ZSWIM3: variants seen among roughly 807,000 people sequenced by gnomAD.
ZSWIM3 encodes zinc finger SWIM-type containing 3.
A neutral mutation model predicts 47.5 loss-of-function variants in ZSWIM3; 27 were observed. The ratio of observed to expected loss-of-function variants is 0.57; its 90% CI spans 0.42 to 0.78. ZSWIM3 has a LOEUF of 0.78. ZSWIM3 is among the 30% of genes least tolerant of loss of function. The pLI is 0.00. For synonymous variants in ZSWIM3, 333 were observed against 333.9 expected, an observed-to-expected ratio of 1.00 and a Z score of 0.03; for missense variants, 689 against 861.3, an observed-to-expected ratio of 0.80 and a Z score of 2.50.
chr20:45,866,014 AG>A (rs869091536), intron 1 of ZSWIM3, among the ~76,000 whole-genome samples: 6 of 147,060 alleles, frequency 4.1e-5, no homozygotes, highest in South Asian at 2.2e-4. Flanking sequence ...AAAAAGAAAA[AG>A]AAAAAAAAAA....
intron 1 of ZSWIM3, among the ~76,000 whole-genome samples, chr20:45,875,482 ATTTTT>A (rs11476581): frequency 2.7e-4 from 40 of 150,816 alleles, no homozygotes; most frequent in South Asian, 4.2e-4. Context: ...CCTTAATTCT[ATTTTT>A]TTTTTTGTTT....
intron 1 of ZSWIM3, among the ~76,000 whole-genome samples, chr20:45,874,037 G>A (rs1986034508): frequency 6.6e-6 from 1 of 152,164 alleles, no homozygotes; most frequent in African/African-American, 2.4e-5. Flanking sequence ...ATATCATCTA[G>A]CCCAGTGGTT....
At chr20:45,859,792 C>CAAAAAAA (rs765560893) in intron 1 of ZSWIM3, among the ~76,000 whole-genome samples, 3 of 52,090 alleles carry the variant, frequency 5.8e-5, no homozygotes, top group Non-Finnish European at 8.3e-5. Flanking sequence ...GAGAGGAATA[C>CAAAAAAA]AAAAAAAAAA....
chr20:45,865,238 G>C (rs1985808994), intron 1 of ZSWIM3, among the ~76,000 whole-genome samples: 1 of 151,428 alleles, frequency 6.6e-6, no homozygotes, highest in African/African-American at 2.4e-5. Context: ...AGAATCGCTT[G>C]AACCTGGGAG....
chr20:45,872,821 A>T (rs2145791383), intron 1 of ZSWIM3: 1 of 1,285,540 alleles, frequency 7.8e-7, no homozygotes, highest in East Asian at 5.6e-5. Context: ...CTGTGCACAC[A>T]ATAGGTACAG....
At chr20:45,858,168 G>A (rs889551661) in intron 1 of ZSWIM3, among the ~76,000 whole-genome samples, 188 bp downstream of exon 1, 1 of 152,170 alleles carries the variant, frequency 6.6e-6, no homozygotes, top group Non-Finnish European at 1.5e-5. Context: ...ATTGGTTTTT[G>A]ACCACCCACT....
intron 1 of ZSWIM3, among the ~76,000 whole-genome samples, chr20:45,859,702 A>G (rs1223934280): frequency 1.4e-5 from 2 of 143,442 alleles, no homozygotes; most frequent in African/African-American, 5.1e-5. Context: ...AGATGAAGTC[A>G]TTTGCAGTCT....
In ZSWIM3 at chr20:45,878,042, T is replaced by C; in HGVS notation, c.1484T>C (p.Leu495Pro). 1 of 1,614,180 alleles carries C rather than the reference T, an allele frequency of 6.2e-7. No individual in the cohort carries two copies. The highest frequency in any genetic ancestry group is 8.5e-7 in the Non-Finnish European group (1 of 1,180,030). Residue 495 changes from leucine (L) to proline (P), a missense_variant, in exon 2 of 2, where the codon CTG becomes CCG. By Grantham distance (98) the Leu-to-Pro change is moderately conservative. Transcript: ENST00000255152. The part of the protein sequence containing the change: ...SQVPPSQVGM[L>P]DTLHQSGSEL... ...GTGCCGCCCTCGCAGGTTGGCATGC[T>C]GGACACCTTGCACCAGAGTGGCTCT...
At chr20:45,873,489 C>T (rs1187635262) in intron 1 of ZSWIM3, among the ~76,000 whole-genome samples, 3 of 152,016 alleles carry the variant, frequency 2.0e-5, no homozygotes, top group Non-Finnish European at 4.4e-5. Context: ...TTGAGGACAT[C>T]CCCATCCAAT....
At chr20:45,871,567 CA>C (rs935208992) in intron 1 of ZSWIM3, among the ~76,000 whole-genome samples, 1 of 151,956 alleles carries the variant, frequency 6.6e-6, no homozygotes. Flanking sequence ...TGTTTAATTT[CA>C]AACATTTACT....
At chr20:45,862,010 C>T (rs1478142015) in intron 1 of ZSWIM3, among the ~76,000 whole-genome samples, 1 of 151,934 alleles carries the variant, frequency 6.6e-6, no homozygotes, top group Non-Finnish European at 1.5e-5. Context: ...GCCTGGGCGA[C>T]ACAGCGAGAC....
intron 1 of ZSWIM3, among the ~76,000 whole-genome samples, chr20:45,860,560 C>T (rs900168119): frequency 6.6e-6 from 1 of 151,636 alleles, no homozygotes; most frequent in African/African-American, 2.4e-5. Context: ...TCCTTTTCCA[C>T]CTCCTAGAGG....
intron 1 of ZSWIM3, among the ~76,000 whole-genome samples, chr20:45,875,188 G>A (rs1410713668): frequency 5.9e-5 from 9 of 151,686 alleles, no homozygotes; most frequent in South Asian, 2.1e-4. Context: ...GACTACAGGC[G>A]CCTGCCACCA....
chr20:45,876,910 T>C lies in ZSWIM3; in HGVS notation c.352T>C (p.Ser118Pro). 6.2e-7 allele frequency: 1 copy of C among 1,613,902 alleles called. No homozygotes were observed. Residue 118 changes from serine (S) to proline (P), a missense_variant, in exon 2 of 2, where the codon TCT (serine) becomes CCT (proline). Coordinates refer to ENST00000255152, the MANE Select transcript of ZSWIM3 (RefSeq NM_080752.4). ...ASPGGDTTGK[S>P]QKTMCLQRLQ... ...TCCTGGAGGAGACACCACTGGCAAATCTCAAAAGACAATGTGCCTGCAGAG... is the reference window on the plus strand; with the variant it reads ...TCCTGGAGGAGACACCACTGGCAAACCTCAAAAGACAATGTGCCTGCAGAG...
intron 1 of ZSWIM3, among the ~76,000 whole-genome samples, chr20:45,864,129 T>A (rs573175612): frequency 5.9e-5 from 9 of 152,310 alleles, no homozygotes. Flanking sequence ...AACAAACTTG[T>A]GGTAAGAGGC....
At chr20:45,859,384 A>G (rs1195748624) in intron 1 of ZSWIM3, among the ~76,000 whole-genome samples, 3 of 151,578 alleles carry the variant, frequency 2.0e-5, no homozygotes, top group African/African-American at 7.3e-5. Context: ...CTTGAACTCA[A>G]GCAAACTGGT....
chr20:45,870,780 G>C (rs1028834893), intron 1 of ZSWIM3, among the ~76,000 whole-genome samples: 1 of 151,822 alleles, frequency 6.6e-6, no homozygotes, highest in Admixed American at 6.6e-5. Context: ...TGCAACCTCT[G>C]CCTCCTGGGT....
intron 1 of ZSWIM3, among the ~76,000 whole-genome samples, chr20:45,867,383 G>T (rs1985872687): frequency 6.6e-6 from 1 of 152,170 alleles, no homozygotes; most frequent in African/African-American, 2.4e-5. Flanking sequence ...TGAGGGCAGT[G>T]TTAATAAAGC....
At chr20:45,859,792 CAAAAAAAAAAAA>C (rs765560893) in intron 1 of ZSWIM3, among the ~76,000 whole-genome samples, 50 of 52,100 alleles carry the variant, frequency 9.6e-4, no homozygotes, top group Non-Finnish European at 1.5e-3. Context: ...GAGAGGAATA[CAAAAAAAAAAAA>C]AAAAAAAAAA....
Sources: gnomAD v4.1 joint callset for allele counts (sites outside exome capture counted in the v4.1 genomes callset) on GRCh38, gnomAD v4.1.1 for gene constraint, MANE v1.5 for transcripts, NCBI Gene and HGNC (gene_info 2026-07-23, HGNC 2026-07-21) for gene names.